TEAD4: variants seen among roughly 807,000 people sequenced by gnomAD.
TEAD4 encodes the protein TEA domain transcription factor 4.
In TEAD4, 36 loss-of-function variants were observed where a neutral mutation model predicts 52.4. The ratio of observed to expected loss-of-function variants is 0.69; its 90% CI spans 0.53 to 0.91. TEAD4 has a LOEUF of 0.91. Among genes scored for constraint, TEAD4 ranks in the 40% least tolerant of loss-of-function variants. The pLI is 0.00. For synonymous variants in TEAD4, 220 were observed against 231.0 expected (o/e 0.95, Z 0.43); for missense variants, 508 against 583.9 (o/e 0.87, Z 1.34).
chr12:2,971,621 ACCC>A (rs1190206790), intron 2 of TEAD4, among the ~76,000 whole-genome samples: 4 of 148,508 alleles, frequency 2.7e-5, no homozygotes, highest in African/African-American at 1.0e-4. Context: ...GACTACAGGC[ACCC>A]CCCACCACAC....
intron 5 of TEAD4, among the ~76,000 whole-genome samples, chr12:3,013,693 C>T (rs2098262218): frequency 6.6e-6 from 1 of 152,096 alleles, no homozygotes; most frequent in African/African-American, 2.4e-5. Context: ...AAGATAGTGC[C>T]ACTGCACACC....
chr12:3,006,582 G>A (rs556884682), intron 3 of TEAD4, among the ~76,000 whole-genome samples: 1 of 152,260 alleles, frequency 6.6e-6, no homozygotes, highest in South Asian at 2.1e-4. Context: ...TACTTGGGAG[G>A]CTGAGGCAGG....
At chr12:2,987,131 G>T (rs1317930699) in intron 2 of TEAD4, among the ~76,000 whole-genome samples, 1 of 152,182 alleles carries the variant, frequency 6.6e-6, no homozygotes, top group South Asian at 2.1e-4. Flanking sequence ...AGAGATGCCT[G>T]GTAGGCAGTT....
Position 2,994,639 on chromosome 12 carries a change from G to A in TEAD4, c.-29-99G>A. The A allele has an allele frequency of 4.9e-6, 7 of 1,417,322 alleles. No individual in the cohort carries two copies. Among genetic ancestry groups the A allele is most frequent in the Non-Finnish European group, 6.5e-6 (7 of 1,081,398 alleles). The allele number at this position is 1,417,322 out of a possible 1,614,324, so 87.8% of individuals were successfully genotyped here. A position where few individuals can be genotyped will look rare whatever the true frequency, so the allele number is the denominator to read the frequency against. ...TTTCACTTCACGCTTTGCTTCCTGA[G>A]CAACTGATTCGGGCTCTGGCACTCC... On this transcript the variant is annotated intron_variant, in intron 2 of 12. Coordinates refer to ENST00000359864, the MANE Select transcript of TEAD4 (RefSeq NM_003213.4). This position sits in a 1 kb window ranked among gnomAD's most constrained non-coding sequence, Gnocchi z 4.7.
chr12:2,995,483 C>T (rs1323190261), intron 3 of TEAD4, among the ~76,000 whole-genome samples: 1 of 152,176 alleles, frequency 6.6e-6, no homozygotes, highest in Non-Finnish European at 1.5e-5. Context: ...CAGATACCTG[C>T]TCTGCAAGGC....
intron 11 of TEAD4, 127 bp from the exon 12 acceptor site, chr12:3,039,980 C>G: frequency 7.6e-7 from 1 of 1,308,570 alleles, no homozygotes; most frequent in East Asian, 2.3e-5. Flanking sequence ...AGCCACTGCC[C>G]CTGGCTGGGG....
At chr12:3,020,511 G>C (rs1223216967) in intron 8 of TEAD4, 123 bp from the exon 9 acceptor site, 2 of 1,241,638 alleles carry the variant, frequency 1.6e-6, no homozygotes, top group African/African-American at 3.1e-5. Flanking sequence ...GGTCCATTTA[G>C]GGAGACAGGC....
intron 8 of TEAD4, among the ~76,000 whole-genome samples, chr12:3,019,409 T>G (rs547475052): frequency 1.8e-4 from 27 of 152,314 alleles, no homozygotes; most frequent in African/African-American, 6.5e-4. Flanking sequence ...CCCTCAAAGC[T>G]GTGCTCAGGG....
At chr12:2,997,680 G>A (rs968580279) in intron 3 of TEAD4, among the ~76,000 whole-genome samples, 32 of 151,952 alleles carry the variant, frequency 2.1e-4, no homozygotes, top group African/African-American at 7.7e-4. Context: ...CCAGCAAGGG[G>A]CAAGGGCGGA....
chr12:2,962,295 T>TAA lies in TEAD4; in HGVS notation c.-30+2256_-30+2257insAA, dbSNP rs2098216108. ...ATATATTTATATATATTTATTTATA[T>TAA]ATATAAATATAAATATATAAATATA... On this transcript the variant is annotated intron_variant, in intron 2 of 12. Transcript: ENST00000359864. Among the ~76,000 whole-genome samples the TAA allele has an allele frequency of 7.6e-5, 3 of 39,518 alleles. No homozygotes were observed. In the Admixed American group the frequency reaches 9.0e-4, roughly 12 times the overall value. 25.9% of individuals were successfully genotyped at this position (39,518 alleles called of 152,430 possible). A position where few individuals can be genotyped will look rare whatever the true frequency, so the allele number is the denominator to read the frequency against.
intron 5 of TEAD4, among the ~76,000 whole-genome samples, chr12:3,014,432 A>G (rs1216204257): frequency 6.6e-6 from 1 of 152,252 alleles, no homozygotes; most frequent in Non-Finnish European, 1.5e-5. Flanking sequence ...TCCTTAAAAT[A>G]TGCAAATTTT....
At chr12:3,007,180 G>T (rs1374596214) in intron 3 of TEAD4, among the ~76,000 whole-genome samples, 1 of 152,212 alleles carries the variant, frequency 6.6e-6, no homozygotes, top group East Asian at 1.9e-4. Context: ...TAGTTGTGGG[G>T]TGGTGGGCAG....
At chr12:2,988,319 C>G (rs1038150585) in intron 2 of TEAD4, among the ~76,000 whole-genome samples, 15 of 151,834 alleles carry the variant, frequency 9.9e-5, no homozygotes, top group African/African-American at 3.6e-4. Flanking sequence ...TCCAGACCAG[C>G]CTGGCCAACA....
Position 3,020,651 on chromosome 12 carries a change from G to C in TEAD4, c.601G>C (p.Gly201Arg). 5 of 1,589,120 alleles carry C rather than the reference G, an allele frequency of 3.1e-6. No individual in the cohort carries two copies. Among genetic ancestry groups the C allele is most frequent in the Non-Finnish European group, 4.3e-6 (5 of 1,166,474 alleles). The change falls in exon 9 of 13, where the codon GGG becomes CGG. Residue 201 changes from glycine to arginine, a missense_variant. Transcript: ENST00000359864. ...TTGTGCAGGGTTTGAGTCTCCTGCA[G>C]GGCCCGCCCCATCGCCCTCTGCGCC...
In TEAD4 at chr12:3,018,558, C is replaced by T. The variant is rs746594673; in HGVS notation, c.497C>T (p.Ala166Val). ...TTGCCTCCTCAGTTTTGGCAAGGAG[C>T]TTTGCCAGGCCAAGCCGGAACGTCC... The change falls in exon 7 of 13, where the codon GCT (alanine) becomes GTT (valine). Residue 166 changes from alanine to valine, a missense_variant. Ala to Val is a moderately conservative substitution (Grantham distance 64, BLOSUM62 0). Transcript: ENST00000359864. 43 of 1,613,990 alleles carry T rather than the reference C, an allele frequency of 2.7e-5. No individual in the cohort carries two copies. Among genetic ancestry groups the T allele is most frequent in the Non-Finnish European group, 3.5e-5 (41 of 1,179,994 alleles).
intron 4 of TEAD4, among the ~76,000 whole-genome samples, chr12:3,011,864 C>T (rs774767364): frequency 9.9e-5 from 15 of 152,094 alleles, no homozygotes; most frequent in Non-Finnish European, 1.6e-4. Context: ...TGGAGTTTCA[C>T]TGTGTTGGCC....
At chr12:3,005,300 T>TTTTG (rs60707278) in intron 3 of TEAD4, among the ~76,000 whole-genome samples, 7,249 of 151,606 alleles carry the variant, frequency 0.048, 572 homozygotes, top group African/African-American at 0.16. Flanking sequence ...TGTTTTTCCG[T>TTTTG]TTTGTTTGTT....
intron 3 of TEAD4, among the ~76,000 whole-genome samples, chr12:3,001,180 CATA>C (rs1485263068): frequency 1.3e-5 from 2 of 152,208 alleles, no homozygotes; most frequent in African/African-American, 4.8e-5. Context: ...AAGTGGAGGT[CATA>C]ATACTACTAC....
intron 2 of TEAD4, among the ~76,000 whole-genome samples, chr12:2,964,121 G>T (rs1274957581): frequency 1.3e-5 from 2 of 152,160 alleles, no homozygotes; most frequent in African/African-American, 2.4e-5. Context: ...CCTCCAAAGG[G>T]GGCCGTTGAC....
Sources: allele counts gnomAD v4.1 joint callset (sites outside exome capture counted in the v4.1 genomes callset), GRCh38; gene constraint gnomAD v4.1.1; non-coding constraint Gnocchi (gnomAD v3.1); transcripts MANE v1.5; gene names NCBI Gene and HGNC (gene_info 2026-07-23, HGNC 2026-07-21).